The following AXDND1 variants were observed in gnomAD, a reference collection of about 807,000 sequenced individuals.
AXDND1 encodes axonemal dynein light chain domain containing 1.
In AXDND1, 110 loss-of-function variants were observed where a neutral mutation model predicts 137.5. That is an observed-to-expected ratio of 0.80 (90% CI 0.69 to 0.94). AXDND1 has a LOEUF of 0.94. AXDND1 is among the 40% of genes least tolerant of loss of function. AXDND1 has a pLI of 0.00. For missense variants in AXDND1, 1,191 were observed against 1,169.8 expected (o/e 1.02, Z -0.26); for synonymous variants, 414 against 399.7 (o/e 1.04, Z -0.43).
intron 18 of AXDND1, 47 bp downstream of exon 18, chr1:179,483,268 C>A (rs749275773): frequency 1.5e-6 from 2 of 1,341,252 alleles, no homozygotes; most frequent in South Asian, 1.4e-5. Context: ...CCTCGGCTGG[C>A]AAATTTCTTC....
chr1:179,454,172 A>C (rs1427681550), intron 16 of AXDND1: 1 of 152,224 alleles, frequency 6.6e-6, no homozygotes, highest in Non-Finnish European at 1.5e-5. Flanking sequence ...TTGAATTCCC[A>C]TGTGTTGTGG....
intron 23 of AXDND1, 47 bp from the exon 24 acceptor site, chr1:179,533,748 A>ATT (rs1479669976): frequency 7.1e-7 from 1 of 1,415,814 alleles, no homozygotes; most frequent in Admixed American, 1.7e-5. Flanking sequence ...TAGAATACTA[A>ATT]TTGTTGAGAC....
intron 11 of AXDND1, 85 bp downstream of exon 11, chr1:179,395,287 A>C: frequency 9.8e-7 from 1 of 1,022,796 alleles, no homozygotes; most frequent in African/African-American, 1.6e-5. Flanking sequence ...ATGATACTAT[A>C]ACTTCTTGAA....
intron 25 of AXDND1, chr1:179,545,634 G>C (rs1672573590): frequency 6.6e-6 from 1 of 152,184 alleles, no homozygotes; most frequent in Non-Finnish European, 1.5e-5. Flanking sequence ...AAAATTTGGG[G>C]ACTTTTTGTG....
intron 11 of AXDND1, among the ~76,000 whole-genome samples, chr1:179,397,417 T>C (rs927890821): frequency 6.6e-6 from 1 of 152,304 alleles, no homozygotes; most frequent in Admixed American, 6.5e-5. Flanking sequence ...GCCTTTAACC[T>C]TTTTTCTTTT....
At chr1:179,543,666 G>GGA (rs1558326443) in intron 25 of AXDND1, 2 of 152,074 alleles carry the variant, frequency 1.3e-5, no homozygotes, top group African/African-American at 4.8e-5. Context: ...GAGGGAAGGA[G>GGA]GAGATGTTCT....
rs1322241513 is a variant in AXDND1, at chr1:179,379,473, G to T, written c.572G>T (p.Cys191Phe). The stretch of plus-strand genomic sequence containing the variant: ...AGTACAGGAGTTTCAGGTTTGGAGT[G>T]TTATGATGAGTGAGTACTATGATAT... ...VSSTGVSGLECYDDKYTTLLT... is the reference protein window; with the variant it reads ...VSSTGVSGLEFYDDKYTTLLT... Residue 191 changes from cysteine (C) to phenylalanine (F), a missense_variant, in exon 6 of 26, where the codon TGT (cysteine) becomes TTT (phenylalanine). Cys to Phe is a radical substitution (Grantham distance 205). Coordinates refer to ENST00000367618, the MANE Select transcript of AXDND1 (RefSeq NM_144696.6). 1.2e-6 allele frequency: 2 copies of T among 1,613,040 alleles called. No homozygotes were observed. The highest frequency in any genetic ancestry group is 3.3e-5 in the Admixed American group (2 of 59,906).
chr1:179,479,743 C>G (rs1200893940), intron 17 of AXDND1, among the ~76,000 whole-genome samples: 3 of 152,114 alleles, frequency 2.0e-5, no homozygotes, highest in Non-Finnish European at 4.4e-5. Context: ...CACCACTGCA[C>G]TTTAGCCTGG....
intron 3 of AXDND1, among the ~76,000 whole-genome samples, chr1:179,369,266 C>T (rs1490478487): frequency 3.9e-4 from 59 of 151,300 alleles, no homozygotes; most frequent in Non-Finnish European, 5.9e-5. Context: ...TTCATAGAGA[C>T]GGAGTTTCGC....
At chr1:179,519,277 G>A (rs895651304) in intron 21 of AXDND1, among the ~76,000 whole-genome samples, 1 of 152,094 alleles carries the variant, frequency 6.6e-6, no homozygotes, top group Non-Finnish European at 1.5e-5. Context: ...ATAGATGTTG[G>A]ATATTAGACC....
intron 14 of AXDND1, among the ~76,000 whole-genome samples, chr1:179,431,282 CA>C (rs1657333658): frequency 6.6e-6 from 1 of 152,160 alleles, no homozygotes; most frequent in South Asian, 2.1e-4. Flanking sequence ...GCTGGGATTA[CA>C]GGCATGCGCC....
intron 25 of AXDND1, chr1:179,535,185 A>G (rs1005617609): frequency 1.7e-6 from 1 of 595,610 alleles, no homozygotes; most frequent in South Asian, 2.2e-5. Context: ...AAAGTAGCTC[A>G]GATACAATTT....
At chr1:179,489,770 G>GA (rs1666638410) in intron 18 of AXDND1, among the ~76,000 whole-genome samples, 1 of 133,668 alleles carries the variant, frequency 7.5e-6, no homozygotes, top group South Asian at 2.3e-4. Context: ...TTTTGAGACG[G>GA]AGTCTCGCTC....
At chr1:179,383,677 C>A in intron 8 of AXDND1, 133 bp downstream of exon 8, 1 of 625,416 alleles carries the variant, frequency 1.6e-6, no homozygotes. Flanking sequence ...ATTTGTACCT[C>A]AGTTTCCTCA....
intron 17 of AXDND1, among the ~76,000 whole-genome samples, chr1:179,476,659 A>G (rs1232072468): frequency 1.3e-5 from 2 of 152,086 alleles, no homozygotes; most frequent in Non-Finnish European, 2.9e-5. Context: ...TTCTTTAGGC[A>G]CTATGAATAT....
rs773212839 is a variant in AXDND1, at chr1:179,528,381, G to A, written c.2665G>A (p.Glu889Lys). The A allele has an allele frequency of 1.9e-6, 3 of 1,614,004 alleles. No homozygotes were observed. The highest frequency in any genetic ancestry group is 2.2e-5 in the South Asian group (2 of 91,082). Residue 889 changes from glutamate to lysine, a missense_variant, in exon 23 of 26, where the codon GAA (glutamate) becomes AAA (lysine). Coordinates refer to ENST00000367618, the MANE Select transcript of AXDND1 (RefSeq NM_144696.6). Reference sequence around the variant, plus strand: ...ACTCATTCGATTCATTGGAGAAGATGAAAATGTTCATTCCAAACCTCTATT... The same window carrying A: ...ACTCATTCGATTCATTGGAGAAGATAAAAATGTTCATTCCAAACCTCTATT... The part of the protein sequence containing the change: ...EKLIRFIGED[E>K]NVHSKPLFET...
In AXDND1 at chr1:179,541,606, G is replaced by A. The variant is rs200011908; in HGVS notation, c.3031+6644G>A. Among the ~76,000 whole-genome samples the A allele has an allele frequency of 7.2e-5, 11 of 151,748 alleles. No homozygotes were observed. The East Asian group carries it at 1.9e-3, about 27-fold the overall frequency. On this transcript the variant is annotated intron_variant, in intron 25 of 25. Transcript: ENST00000367618. ...ATTTTAGAAAATAATTTGATAGTAT[G>A]TATGGCTATCCCTTTAAAACATGCA... is the stretch of plus-strand genomic sequence containing the variant.
intron 11 of AXDND1, among the ~76,000 whole-genome samples, chr1:179,398,537 G>T (rs376208768): frequency 6.6e-6 from 1 of 152,192 alleles, no homozygotes; most frequent in Non-Finnish European, 1.5e-5. Context: ...AGGTGCTGGG[G>T]TGCCTGCTTC....
chr1:179,462,853 G>T (rs1558216720), intron 16 of AXDND1, among the ~76,000 whole-genome samples: 1 of 152,104 alleles, frequency 6.6e-6, no homozygotes, highest in Non-Finnish European at 1.5e-5. Flanking sequence ...ACTCTTGGGA[G>T]GGTGTATGTG....
Sources: allele counts gnomAD v4.1 joint callset (sites outside exome capture counted in the v4.1 genomes callset), GRCh38; gene constraint gnomAD v4.1.1; transcripts MANE v1.5; gene names NCBI Gene and HGNC (gene_info 2026-07-23, HGNC 2026-07-21).